PIK3R1: variants seen among roughly 807,000 people sequenced by gnomAD.
PIK3R1 encodes the protein phosphoinositide-3-kinase regulatory subunit 1.
A neutral mutation model predicts 98.0 loss-of-function variants in PIK3R1; 29 were observed. The ratio of observed to expected loss-of-function variants is 0.30; its 90% CI spans 0.22 to 0.40. The LOEUF (loss-of-function observed/expected upper bound fraction) is 0.40, where lower values mean the gene tolerates loss of function less well. Ranked by LOEUF, PIK3R1 falls within the 10% of genes least tolerant of loss-of-function variation. The probability of loss-of-function intolerance (pLI) is 1.00; values close to 1 mark genes in which losing one functional copy is unlikely to be tolerated. For missense variants in PIK3R1, 596 were observed against 872.7 expected (o/e 0.68, Z 3.99); for synonymous variants, 282 against 311.8 (o/e 0.90, Z 1.01).
chr5:68,283,032 G>A (rs774429774), intron 7 of PIK3R1, among the ~76,000 whole-genome samples: 4 of 152,224 alleles, frequency 2.6e-5, no homozygotes, highest in Non-Finnish European at 4.4e-5. Flanking sequence ...CAGTGCAAAT[G>A]ACTGCTATGG....
intron 12 of PIK3R1, 29 bp from the exon 13 acceptor site, chr5:68,295,119 A>G: frequency 6.3e-7 from 1 of 1,599,616 alleles, no homozygotes; most frequent in South Asian, 1.1e-5. Context: ...GTACCCAGAT[A>G]ATAACAAATA....
intron 7 of PIK3R1, chr5:68,292,033 T>C: frequency 2.7e-6 from 1 of 373,126 alleles, no homozygotes; most frequent in East Asian, 4.2e-5. Flanking sequence ...TGTTAGTTTC[T>C]AAGGCTCTCT....
At chr5:68,241,570 A>G (rs1333616956) in intron 2 of PIK3R1, among the ~76,000 whole-genome samples, 2 of 152,224 alleles carry the variant, frequency 1.3e-5, no homozygotes, top group Non-Finnish European at 2.9e-5. Flanking sequence ...TGTTCCAGGC[A>G]CCATGTGCTG....
chr5:68,227,042 CCTTT>C (rs1744305218), intron 2 of PIK3R1, 33 bp downstream of exon 2: 1 of 1,534,590 alleles, frequency 6.5e-7, no homozygotes, highest in Non-Finnish European at 8.8e-7. Flanking sequence ...TTAATGACTC[CCTTT>C]CTTTTTCTTT....
rs1338302801 is a variant in PIK3R1, at chr5:68,280,674, G to C, written c.781G>C (p.Ala261Pro). 6.2e-7 allele frequency: 1 copy of C among 1,613,980 alleles called. No homozygotes were observed. Among genetic ancestry groups the C allele is most frequent in the Non-Finnish European group, 8.5e-7 (1 of 1,180,004 alleles). Residue 261 changes from alanine (A) to proline (P), a missense_variant, in exon 6 of 16, where the codon GCA (alanine) becomes CCA (proline). Around this residue, in one of 3 missense-constraint regions of PIK3R1, gnomAD observed 352 missense variants for 393.3 expected, o/e 0.90. Coordinates refer to ENST00000521381, the MANE Select transcript of PIK3R1 (RefSeq NM_181523.3). ...AACCTCCAGCAAAAATCTGTTGAAT[G>C]CAAGAGTACTCTCTGAAATTTTCAG... ...SQTSSKNLLN[A>P]RVLSEIFSPM... is the part of the protein sequence containing the mutation.
chr5:68,287,785 C>T (rs1296619665), intron 7 of PIK3R1, among the ~76,000 whole-genome samples: 1 of 152,142 alleles, frequency 6.6e-6, no homozygotes, highest in Non-Finnish European at 1.5e-5. Context: ...TGCAATCGAC[C>T]TCATAAAAAT....
chr5:68,262,874 G>GATACATGTATACATAT (rs1745900724), intron 2 of PIK3R1, among the ~76,000 whole-genome samples: 1 of 87,834 alleles, frequency 1.1e-5, no homozygotes, highest in Non-Finnish European at 2.3e-5. Flanking sequence ...TATACATGTA[G>GATACATGTATACATAT]ATACATGTAG....
chr5:68,288,684 A>ATT (rs375563457), intron 7 of PIK3R1: 30 of 1,278,348 alleles, frequency 2.3e-5, no homozygotes, highest in African/African-American at 6.0e-5. Flanking sequence ...AGCTTTGGGG[A>ATT]TTTTTTTTTT....
At chr5:68,280,809 A>G in intron 6 of PIK3R1, 80 bp downstream of exon 6, 1 of 1,318,922 alleles carries the variant, frequency 7.6e-7, no homozygotes, top group Non-Finnish European at 1.1e-6. Flanking sequence ...TGTATTCTGA[A>G]TATACTACTC....
At chr5:68,297,302 C>T (rs1309924603) in intron 15 of PIK3R1, 110 bp from the exon 16 acceptor site, 45 of 927,832 alleles carry the variant, frequency 4.9e-5, no homozygotes, top group Non-Finnish European at 7.1e-5. Flanking sequence ...ACCTAGGACC[C>T]TTTCCCCAAG....
intron 4 of PIK3R1, among the ~76,000 whole-genome samples, chr5:68,277,620 T>C (rs991946877): frequency 5.3e-5 from 8 of 152,174 alleles, no homozygotes; most frequent in Admixed American, 3.3e-4. Context: ...CTAGAATGAT[T>C]TGTACTGTCA....
intron 11 of PIK3R1, among the ~76,000 whole-genome samples, chr5:68,294,046 A>G (rs1210351345): frequency 6.6e-6 from 1 of 152,212 alleles, no homozygotes; most frequent in Non-Finnish European, 1.5e-5. Flanking sequence ...AGTTCACGTG[A>G]TAACTGAAGC....
intron 4 of PIK3R1, among the ~76,000 whole-genome samples, chr5:68,278,852 A>T: frequency 6.6e-6 from 1 of 152,148 alleles, no homozygotes; most frequent in East Asian, 1.9e-4. Flanking sequence ...AGGCAGGAGA[A>T]TCGCTTGAAC....
At chr5:68,281,794 G>A (rs192980659) in intron 7 of PIK3R1, among the ~76,000 whole-genome samples, 22 of 152,224 alleles carry the variant, frequency 1.4e-4, no homozygotes, top group Admixed American at 9.8e-4. Flanking sequence ...TTTATTATAG[G>A]TAATATATGC....
At chr5:68,244,589 C>CAA (rs752534278) in intron 2 of PIK3R1, among the ~76,000 whole-genome samples, 10 of 105,826 alleles carry the variant, frequency 9.4e-5, no homozygotes, top group Admixed American at 2.3e-4. Context: ...CTCTGGACCT[C>CAA]AAAAAAAAAA....
At chr5:68,254,206 T>TA (rs571865122) in intron 2 of PIK3R1, among the ~76,000 whole-genome samples, 19 of 152,330 alleles carry the variant, frequency 1.2e-4, no homozygotes, top group Middle Eastern at 6.8e-3. Flanking sequence ...AGGAGAGACT[T>TA]ATTCCCAAGA....
At chr5:68,246,361 G>A (rs72757668) in intron 2 of PIK3R1, among the ~76,000 whole-genome samples, 13,468 of 146,778 alleles carry the variant, frequency 0.092, 791 homozygotes, top group Non-Finnish European at 0.13. Context: ...CGCCCAAGCC[G>A]CAGTGCAGTG....
chr5:68,293,634 C>T (rs1342440487), intron 10 of PIK3R1, 75 bp from the exon 11 acceptor site: 6 of 1,200,414 alleles, frequency 5.0e-6, no homozygotes, highest in African/African-American at 4.6e-5. Context: ...AAGATGTTTC[C>T]ATGTCAGCTA....
chr5:68,272,023 G>C lies in PIK3R1; in HGVS notation c.335-1367G>C, dbSNP rs542129690. ...CCCAGCATTTTGAGAGATTGAGGTG[G>C]GTGGATTGCTTGAGTCCATGAGTTC... On this transcript the variant is annotated intron_variant, in intron 2 of 15. Coordinates refer to ENST00000521381, the MANE Select transcript of PIK3R1 (RefSeq NM_181523.3). 7.9e-5 allele frequency among the ~76,000 whole-genome samples: 12 copies of C among 152,140 alleles called. No homozygotes were observed. In the South Asian group the frequency reaches 1.0e-3, roughly 13 times the overall value.
Sources: gnomAD v4.1 joint callset for allele counts (sites outside exome capture counted in the v4.1 genomes callset) on GRCh38, gnomAD v4.1.1 for gene constraint, gnomAD v4.1.1 regional missense constraint, MANE v1.5 for transcripts, NCBI Gene and HGNC (gene_info 2026-07-23, HGNC 2026-07-21) for gene names.